PIK3CB: variants seen among roughly 807,000 people sequenced by gnomAD.
The protein encoded by PIK3CB is phosphatidylinositol-4,5-bisphosphate 3-kinase catalytic subunit beta, also known as phosphatidylinositol 4,5-bisphosphate 3-kinase catalytic subunit beta isoform.
Under a neutral mutation model 136.8 loss-of-function variants are expected in PIK3CB, and 39 were observed. The observed-to-expected ratio is 0.29, with a 90% CI of 0.22 to 0.37. The LOEUF (loss-of-function observed/expected upper bound fraction) is 0.37. Ranked by LOEUF, PIK3CB falls within the 10% of genes least tolerant of loss-of-function variation. The pLI, the probability that PIK3CB is intolerant of heterozygous loss-of-function variation, is 1.00. For synonymous variants in PIK3CB, 428 were observed against 436.6 expected, an observed-to-expected ratio of 0.98 and a Z score of 0.25; for missense variants, 868 against 1,275.4, an observed-to-expected ratio of 0.68 and a Z score of 4.87.
At chr3:138,664,154 T>C (rs192174292) in intron 20 of PIK3CB, 125 bp from the exon 21 acceptor site, 12 of 1,074,070 alleles carry the variant, frequency 1.1e-5, no homozygotes, top group East Asian at 7.9e-5. Flanking sequence ...CAAAACCGTA[T>C]GAGAGAACAT....
intron 2 of PIK3CB, among the ~76,000 whole-genome samples, chr3:138,794,861 G>A (rs868592216): frequency 2.0e-5 from 3 of 152,238 alleles, no homozygotes; most frequent in South Asian, 4.1e-4. Context: ...TACAACCTAT[G>A]CATATCTTCT....
intron 1 of PIK3CB, among the ~76,000 whole-genome samples, chr3:138,801,576 A>C (rs767408122): frequency 1.7e-4 from 26 of 152,066 alleles, no homozygotes; most frequent in Non-Finnish European, 3.2e-4. Flanking sequence ...AAAAAAAATA[A>C]AAATAAAAAA....
intron 1 of PIK3CB, among the ~76,000 whole-genome samples, chr3:138,814,475 C>CA (rs371449651): frequency 0.019 from 1,700 of 87,900 alleles, 26 homozygotes; most frequent in African/African-American, 0.051. Context: ...GAGACCATCT[C>CA]AAAAAAAAAA....
At chr3:138,704,576 A>T (rs2044324619) in intron 11 of PIK3CB, 83 bp from the exon 12 acceptor site, 1 of 867,670 alleles carries the variant, frequency 1.2e-6, no homozygotes, top group East Asian at 2.4e-5. Flanking sequence ...TTGTACTTAG[A>T]CTACATAAGA....
chr3:138,812,297 T>C (rs1453277073), intron 1 of PIK3CB, among the ~76,000 whole-genome samples: 2 of 149,878 alleles, frequency 1.3e-5, no homozygotes, highest in African/African-American at 4.9e-5. Flanking sequence ...GTGCAAATGG[T>C]GCGATCTTGG....
chr3:138,763,326 A>C (rs1455685802), intron 2 of PIK3CB, among the ~76,000 whole-genome samples: 4 of 152,060 alleles, frequency 2.6e-5, no homozygotes, highest in African/African-American at 9.7e-5. Flanking sequence ...TTTAGTAGAG[A>C]TGGGGTTTCA....
chr3:138,751,329 G>A (rs1254916698), intron 4 of PIK3CB, among the ~76,000 whole-genome samples: 1 of 151,970 alleles, frequency 6.6e-6, no homozygotes, highest in Non-Finnish European at 1.5e-5. Context: ...ATGGTGGCAG[G>A]TGCCTGTAGT....
chr3:138,809,227 G>C (rs1477357323), intron 1 of PIK3CB, among the ~76,000 whole-genome samples: 1 of 151,258 alleles, frequency 6.6e-6, no homozygotes, highest in Admixed American at 6.6e-5. Context: ...GCAGTGAACC[G>C]AGACTGCGCC....
chr3:138,803,765 C>T (rs959409257), intron 1 of PIK3CB, among the ~76,000 whole-genome samples: 4 of 152,032 alleles, frequency 2.6e-5, no homozygotes, highest in African/African-American at 9.7e-5. Context: ...CTTCTCTGGG[C>T]CTCCATTCTC....
chr3:138,758,876 G>A (rs1180774593), intron 3 of PIK3CB, among the ~76,000 whole-genome samples: 1 of 152,062 alleles, frequency 6.6e-6, no homozygotes, highest in African/African-American at 2.4e-5. Flanking sequence ...CAAGGAAAGG[G>A]GGAAGAGAAG....
At chr3:138,717,292 G>C (rs2108592817) in intron 8 of PIK3CB, among the ~76,000 whole-genome samples, 1 of 151,648 alleles carries the variant, frequency 6.6e-6, no homozygotes, top group African/African-American at 2.4e-5. Flanking sequence ...ATAGTGGATA[G>C]CTGGAATATT....
chr3:138,702,050 T>TCC (rs2044265700), intron 12 of PIK3CB, among the ~76,000 whole-genome samples: 1 of 151,422 alleles, frequency 6.6e-6, no homozygotes. Context: ...CAATTAGCTC[T>TCC]GGAGAGGAAG....
chr3:138,791,476 A>G (rs1038362746), intron 2 of PIK3CB, among the ~76,000 whole-genome samples: 6 of 152,098 alleles, frequency 3.9e-5, no homozygotes, highest in Non-Finnish European at 5.9e-5. Context: ...TCTCAGCCAC[A>G]GCTTGACCTT....
chr3:138,722,923 G>C (rs945123075), intron 8 of PIK3CB, among the ~76,000 whole-genome samples: 28 of 151,814 alleles, frequency 1.8e-4, no homozygotes, highest in African/African-American at 6.8e-4. Context: ...TTTATTTCAG[G>C]CCAAGTCATT....
In PIK3CB at chr3:138,781,908, C is replaced by T. The variant is rs769419500; in HGVS notation, c.-17+14555G>A. The stretch of plus-strand genomic sequence containing the variant: ...CTGTACTCTAGCCTGGGTGAAAGAG[C>T]GAGACACTGTCTCAAAAAAATTAAA... On this transcript the variant is annotated intron_variant, in intron 2 of 23. Coordinates refer to ENST00000674063, the MANE Select transcript of PIK3CB (RefSeq NM_006219.3). 5.3e-5 allele frequency among the ~76,000 whole-genome samples: 8 copies of T among 152,074 alleles called. No homozygotes were observed. The South Asian group carries it at 6.2e-4, about 12-fold the overall frequency.
At chr3:138,826,650 T>C (rs1214877063) in intron 1 of PIK3CB, among the ~76,000 whole-genome samples, 2 of 151,604 alleles carry the variant, frequency 1.3e-5, no homozygotes, top group Non-Finnish European at 2.9e-5. Flanking sequence ...AAAAAAAAGA[T>C]ATGGTAACTC....
intron 1 of PIK3CB, chr3:138,825,787 C>T: frequency 2.3e-6 from 2 of 869,134 alleles, no homozygotes; most frequent in East Asian, 2.4e-5. Context: ...CACCTTTGCT[C>T]CAGTCAATGT....
intron 19 of PIK3CB, among the ~76,000 whole-genome samples, chr3:138,675,167 G>A (rs1262912465): frequency 1.3e-5 from 2 of 151,916 alleles, no homozygotes; most frequent in African/African-American, 4.8e-5. Flanking sequence ...AGTTGAAAAG[G>A]GCAATAACTG....
At chr3:138,685,458 C>G (rs1294293356) in intron 16 of PIK3CB, among the ~76,000 whole-genome samples, 1 of 115,962 alleles carries the variant, frequency 8.6e-6, no homozygotes, top group African/African-American at 3.4e-5. Context: ...GAAACTTAAA[C>G]TACTCAAAAT....
Sources: allele counts gnomAD v4.1 joint callset (sites outside exome capture counted in the v4.1 genomes callset), GRCh38; gene constraint gnomAD v4.1.1; transcripts MANE v1.5; gene names NCBI Gene and HGNC (gene_info 2026-07-23, HGNC 2026-07-21).